Variants in PDE3A observed in about 807,000 individuals in gnomAD.
PDE3A encodes the protein phosphodiesterase 3A.
A neutral mutation model predicts 98.3 loss-of-function variants in PDE3A; 43 were observed. The ratio of observed to expected loss-of-function variants is 0.44; its 90% CI spans 0.34 to 0.56. PDE3A has a LOEUF of 0.56. Ranked by LOEUF, PDE3A falls within the 20% of genes least tolerant of loss-of-function variation. The pLI is 0.01. For synonymous variants in PDE3A, 663 were observed against 567.9 expected (o/e 1.17, Z -2.38); for missense variants, 1,427 against 1,440.7 (o/e 0.99, Z 0.15).
chr12:20,574,856 A>C (rs1942891893), intron 2 of PDE3A, among the ~76,000 whole-genome samples: 2 of 152,036 alleles, frequency 1.3e-5, no homozygotes, highest in Non-Finnish European at 1.5e-5. Context: ...ATCATCCTAC[A>C]GTAAAGGGAG....
At chr12:20,388,381 C>T (rs376715612) in intron 1 of PDE3A, among the ~76,000 whole-genome samples, 6 of 151,944 alleles carry the variant, frequency 3.9e-5, no homozygotes, top group Non-Finnish European at 7.4e-5. Context: ...CTGAAGGTAG[C>T]GCTTTATGAA....
intron 8 of PDE3A, among the ~76,000 whole-genome samples, chr12:20,636,860 G>A (rs1309237555): frequency 6.6e-6 from 1 of 152,190 alleles, no homozygotes; most frequent in Non-Finnish European, 1.5e-5. Flanking sequence ...ATGGACCAGT[G>A]ATAGGCAAGC....
intron 1 of PDE3A, among the ~76,000 whole-genome samples, chr12:20,509,617 C>T (rs940764944): frequency 1.3e-4 from 20 of 152,150 alleles, no homozygotes; most frequent in Admixed American, 1.2e-3. Flanking sequence ...CAGCAGGTAT[C>T]TCTGCCTACT....
chr12:20,527,253 A>G (rs1006338402), intron 1 of PDE3A, among the ~76,000 whole-genome samples: 3 of 152,132 alleles, frequency 2.0e-5, no homozygotes, highest in Non-Finnish European at 1.5e-5. Flanking sequence ...AATGAATACT[A>G]CAACAGAAAC....
At chr12:20,644,942 G>A (rs1240056461) in intron 10 of PDE3A, among the ~76,000 whole-genome samples, 1 of 143,424 alleles carries the variant, frequency 7.0e-6, no homozygotes, top group Non-Finnish European at 1.5e-5. Flanking sequence ...AGGCTGGAGT[G>A]CAGTGGCGCA....
rs113592384 is a variant in PDE3A, at chr12:20,605,562, A to G, written c.1012-7881A>G. ...TGTAGAGAAATGAATTACTTGCCCAATTGGAAGGGACCTTCAAAAGATCCC... is the reference window on the plus strand; with the variant it reads ...TGTAGAGAAATGAATTACTTGCCCAGTTGGAAGGGACCTTCAAAAGATCCC... On this transcript the variant is annotated intron_variant, in intron 2 of 15. Transcript: ENST00000359062. 3.3e-5 allele frequency among the ~76,000 whole-genome samples: 5 copies of G among 152,236 alleles called. 1 individual carries two copies. The highest frequency in any genetic ancestry group is 1.2e-4 in the African/African-American group (5 of 41,552).
chr12:20,420,895 C>G (rs768927887), intron 1 of PDE3A, among the ~76,000 whole-genome samples: 12 of 151,978 alleles, frequency 7.9e-5, no homozygotes, highest in Non-Finnish European at 1.3e-4. Context: ...ATCTGGTAGG[C>G]CATCGAACTG....
chr12:20,552,499 A>T lies in PDE3A; in HGVS notation c.961-4161A>T. ...GGCCAACCGAGAGCGAGAGAAGGAG[A>T]ACAGCAAGAGGGAGGAGGAGGAGCA... On this transcript the variant is annotated intron_variant, in intron 1 of 15. Transcript: ENST00000359062. The surrounding 1 kb of genome is among the most constrained non-coding windows in gnomAD (Gnocchi z 5.1). The T allele has an allele frequency of 6.2e-7, 1 of 1,612,882 alleles. No individual in the cohort carries two copies. Among genetic ancestry groups the T allele is most frequent in the Non-Finnish European group, 8.5e-7 (1 of 1,179,588 alleles).
At chr12:20,395,418 C>G (rs1298510556) in intron 1 of PDE3A, among the ~76,000 whole-genome samples, 1 of 150,040 alleles carries the variant, frequency 6.7e-6, no homozygotes, top group African/African-American at 2.5e-5. Context: ...ATAAATATTT[C>G]TTTACAGTTT....
chr12:20,543,500 A>T (rs1941975912), intron 1 of PDE3A, among the ~76,000 whole-genome samples: 1 of 151,918 alleles, frequency 6.6e-6, no homozygotes, highest in South Asian at 2.1e-4. Flanking sequence ...TCTCATAACC[A>T]AGGGGATCCA....
At chr12:20,621,097 T>C (rs988399797) in intron 4 of PDE3A, among the ~76,000 whole-genome samples, 199 bp from the exon 5 acceptor site, 1 of 152,102 alleles carries the variant, frequency 6.6e-6, no homozygotes, top group African/African-American at 2.4e-5. Flanking sequence ...GTAACTGCTA[T>C]ATCCCTGCAA....
At chr12:20,423,493 AACTTGT>A (rs1944554144) in intron 1 of PDE3A, among the ~76,000 whole-genome samples, 1 of 152,168 alleles carries the variant, frequency 6.6e-6, no homozygotes, top group South Asian at 2.1e-4. Flanking sequence ...TAATGCCTTG[AACTTGT>A]TTCTCTGTGG....
intron 1 of PDE3A, among the ~76,000 whole-genome samples, chr12:20,529,311 G>A (rs995836420): frequency 5.9e-5 from 9 of 152,050 alleles, no homozygotes; most frequent in Admixed American, 3.3e-4. Flanking sequence ...TCCATAATTG[G>A]TTGAGAGCCC....
At chr12:20,588,482 C>G (rs1026261575) in intron 2 of PDE3A, among the ~76,000 whole-genome samples, 1 of 152,166 alleles carries the variant, frequency 6.6e-6, no homozygotes, top group Non-Finnish European at 1.5e-5. Flanking sequence ...TCCAGAAGGA[C>G]TTTTCATGGA....
chr12:20,479,019 C>G (rs1172168031), intron 1 of PDE3A, among the ~76,000 whole-genome samples: 1 of 152,002 alleles, frequency 6.6e-6, no homozygotes, highest in Non-Finnish European at 1.5e-5. Context: ...TTATTAAAAC[C>G]CACATTTTAT....
Position 20,581,942 on chromosome 12 carries a change from G to A in PDE3A, c.1011+25232G>A, listed in dbSNP as rs529573632. On this transcript the variant is annotated intron_variant, in intron 2 of 15. Transcript: ENST00000359062. ...TGGAACACCAGAATTATAAAATTGG[G>A]CATAGCTTCATTGACTACCAGTATA... Among the ~76,000 whole-genome samples, 232 of 152,112 alleles carry A rather than the reference G, an allele frequency of 1.5e-3. 1 individual carries two copies. Among genetic ancestry groups the A allele is most frequent in the African/African-American group, 5.3e-3 (222 of 41,506 alleles).
Position 20,558,547 on chromosome 12 carries a change from C to G in PDE3A, c.1011+1837C>G, listed in dbSNP as rs1217457312. Among the ~76,000 whole-genome samples the G allele has an allele frequency of 3.3e-5, 5 of 151,572 alleles. No individual in the cohort carries two copies. The East Asian group carries it at 9.7e-4, about 29-fold the overall frequency. On this transcript the variant is annotated intron_variant, in intron 2 of 15. Transcript: ENST00000359062. ...AAACTGTCAAAGTAAAAAACAAACA[C>G]AACACACCAAAAGATAAGAACAATA...
At chr12:20,389,438 G>A (rs1943873093) in intron 1 of PDE3A, among the ~76,000 whole-genome samples, 1 of 152,082 alleles carries the variant, frequency 6.6e-6, no homozygotes, top group East Asian at 1.9e-4. Context: ...AGATCAGAGT[G>A]CCAGTACTTA....
chr12:20,613,956 C>T (rs1194114203), intron 3 of PDE3A, among the ~76,000 whole-genome samples: 2 of 152,000 alleles, frequency 1.3e-5, no homozygotes, highest in African/African-American at 2.4e-5. Context: ...ACTTGCAAAA[C>T]GTTTTCTCTT....
Sources: gnomAD v4.1 joint callset for allele counts (sites outside exome capture counted in the v4.1 genomes callset) on GRCh38, gnomAD v4.1.1 for gene constraint, Gnocchi (gnomAD v3.1) non-coding constraint, MANE v1.5 for transcripts, NCBI Gene and HGNC (gene_info 2026-07-23, HGNC 2026-07-21) for gene names.